The following SEPTIN14 variants were observed in gnomAD, a reference collection of about 807,000 sequenced individuals.
The protein encoded by SEPTIN14 is septin 14, also known as septin-14.
SEPTIN14 carries 40 observed loss-of-function variants against 53.6 expected under a neutral mutation model. The ratio of observed to expected loss-of-function variants is 0.75; its 90% confidence interval spans 0.58 to 0.97. The LOEUF (loss-of-function observed/expected upper bound fraction) is 0.97. Ranked by LOEUF, SEPTIN14 falls within the 50% of genes least tolerant of loss-of-function variation. The probability of loss-of-function intolerance (pLI) is 0.00; values close to 1 mark genes in which losing one functional copy is unlikely to be tolerated. For missense variants in SEPTIN14, 471 were observed against 508.2 expected (o/e 0.93, Z 0.70); for synonymous variants, 138 against 166.8 (o/e 0.83, Z 1.33).
At chr7:55,813,563 G>A (rs1193764857) in intron 7 of SEPTIN14, among the ~76,000 whole-genome samples, 1 of 152,142 alleles carries the variant, frequency 6.6e-6, no homozygotes, top group Non-Finnish European at 1.5e-5. Context: ...CCACTTGTGG[G>A]AAAGAAAAGG....
chr7:55,829,624 C>A (rs377506022), intron 6 of SEPTIN14, among the ~76,000 whole-genome samples: 21 of 151,784 alleles, frequency 1.4e-4, no homozygotes, highest in African/African-American at 5.1e-4. Flanking sequence ...GTGGCTGGAG[C>A]TGGAGGTGCA....
intron 7 of SEPTIN14, 62 bp from the exon 8 acceptor site, chr7:55,807,320 G>C (rs879941443): frequency 2.4e-4 from 246 of 1,019,086 alleles, no homozygotes; most frequent in Non-Finnish European, 3.1e-4. Flanking sequence ...ATCAGTAAGT[G>C]TTCATGAATG....
rs1034552678 is a variant in SEPTIN14 at position 55,795,462 on chromosome 7, CTT to C, written c.*449_*450del. The stretch of plus-strand genomic sequence containing the variant: ...AGGATCTGCCTTCTGGGAGTTCATA[CTT>C]TTTTTTTTTTTTTTTTTTTTGAGGC... On this transcript the variant is annotated 3_prime_UTR_variant, in exon 10 of 10. Coordinates refer to ENST00000388975, the MANE Select transcript of SEPTIN14 (RefSeq NM_207366.3). 1.5e-3 allele frequency: 176 copies of C among 117,924 alleles called. No individual in the cohort carries two copies. Among genetic ancestry groups the C allele is most frequent in the Admixed American group, 2.3e-3 (26 of 11,080 alleles). 7.3% of individuals were successfully genotyped at this position (117,924 alleles called of 1,614,324 possible). A position where few individuals can be genotyped will look rare whatever the true frequency, so the allele number is the denominator to read the frequency against.
chr7:55,803,097 C>A (rs1333396875), intron 9 of SEPTIN14, among the ~76,000 whole-genome samples: 1 of 152,106 alleles, frequency 6.6e-6, no homozygotes, highest in African/African-American at 2.4e-5. Flanking sequence ...GCCACCACAT[C>A]TGGCTAATTT....
intron 2 of SEPTIN14, among the ~76,000 whole-genome samples, chr7:55,851,265 T>C (rs1789510499): frequency 6.6e-6 from 1 of 152,164 alleles, no homozygotes; most frequent in African/African-American, 2.4e-5. Context: ...ATATAGAACA[T>C]TTCTGACATC....
At chr7:55,854,865 A>T (rs1439162784) in intron 2 of SEPTIN14, among the ~76,000 whole-genome samples, 1 of 152,238 alleles carries the variant, frequency 6.6e-6, no homozygotes, top group African/African-American at 2.4e-5. Flanking sequence ...AAGAGAACAT[A>T]TCAAAATTAC....
chr7:55,823,363 A>C (rs989973727), intron 6 of SEPTIN14, among the ~76,000 whole-genome samples: 1 of 152,144 alleles, frequency 6.6e-6, no homozygotes, highest in African/African-American at 2.4e-5. Context: ...ACAAGGAGAG[A>C]AACAGCCCCC....
At chr7:55,822,850 G>A (rs993700114) in intron 6 of SEPTIN14, among the ~76,000 whole-genome samples, 8 of 131,646 alleles carry the variant, frequency 6.1e-5, no homozygotes, top group African/African-American at 2.0e-4. Flanking sequence ...TGGGAGCAGG[G>A]GAAAGCAAAA....
intron 2 of SEPTIN14, among the ~76,000 whole-genome samples, chr7:55,849,944 A>T (rs1789491417): frequency 6.6e-6 from 1 of 152,202 alleles, no homozygotes; most frequent in African/African-American, 2.4e-5. Flanking sequence ...TTGGGAAAAA[A>T]AACAAATTAT....
intron 9 of SEPTIN14, among the ~76,000 whole-genome samples, chr7:55,804,312 G>A (rs1303294267): frequency 6.6e-6 from 1 of 150,484 alleles, no homozygotes; most frequent in African/African-American, 2.4e-5. Flanking sequence ...CAGGCTGGAG[G>A]CAGTGGCACC....
chr7:55,860,777 G>A (rs750515586), intron 2 of SEPTIN14, among the ~76,000 whole-genome samples: 3 of 152,092 alleles, frequency 2.0e-5, no homozygotes, highest in Non-Finnish European at 4.4e-5. Flanking sequence ...AAGCTTGAGG[G>A]ACACTGTTTG....
At chr7:55,836,842 T>C (rs1410436999) in intron 5 of SEPTIN14, among the ~76,000 whole-genome samples, 2 of 152,220 alleles carry the variant, frequency 1.3e-5, no homozygotes, top group African/African-American at 4.8e-5. Flanking sequence ...ATCTAATTTA[T>C]TTCAACTACT....
At chr7:55,809,543 G>C (rs924812675) in intron 7 of SEPTIN14, among the ~76,000 whole-genome samples, 3 of 151,448 alleles carry the variant, frequency 2.0e-5, no homozygotes, top group African/African-American at 7.3e-5. Context: ...TTTTAGTAGA[G>C]ACGGGGTTTT....
intron 9 of SEPTIN14, among the ~76,000 whole-genome samples, chr7:55,801,476 C>T (rs1788522134): frequency 6.6e-6 from 1 of 152,042 alleles, no homozygotes; most frequent in Admixed American, 6.6e-5. Flanking sequence ...ATTCTTATAA[C>T]CACACGATCT....
intron 9 of SEPTIN14, among the ~76,000 whole-genome samples, chr7:55,799,889 C>A (rs964962189): frequency 3.3e-5 from 5 of 151,540 alleles, no homozygotes; most frequent in Admixed American, 6.6e-5. Flanking sequence ...CCCAATAGAC[C>A]AAATAGGCAT....
At chr7:55,853,823 A>G (rs1005648741) in intron 2 of SEPTIN14, among the ~76,000 whole-genome samples, 1 of 152,112 alleles carries the variant, frequency 6.6e-6, no homozygotes, top group Admixed American at 6.6e-5. Context: ...CATAAAAATT[A>G]AAAAGTAAGG....
chr7:55,846,065 G>GTATATATAGATATA (rs1789399029), intron 3 of SEPTIN14, among the ~76,000 whole-genome samples: 1 of 39,758 alleles, frequency 2.5e-5, no homozygotes, highest in Non-Finnish European at 5.3e-5. Flanking sequence ...AAAAAAAAAA[G>GTATATATAGATATA]TATATATATA....
At chr7:55,823,369 C>T (rs1198262065) in intron 6 of SEPTIN14, among the ~76,000 whole-genome samples, 1 of 152,192 alleles carries the variant, frequency 6.6e-6, no homozygotes, top group African/African-American at 2.4e-5. Flanking sequence ...AGAGAAACAG[C>T]CCCCAGGTCC....
At chr7:55,839,739 A>C (rs780467782) in intron 5 of SEPTIN14, among the ~76,000 whole-genome samples, 2 of 152,170 alleles carry the variant, frequency 1.3e-5, no homozygotes, top group Non-Finnish European at 2.9e-5. Context: ...GAAATCTATC[A>C]AATGTGAGTT....
Sources: allele counts gnomAD v4.1 joint callset (sites outside exome capture counted in the v4.1 genomes callset), GRCh38; gene constraint gnomAD v4.1.1; transcripts MANE v1.5; gene names NCBI Gene and HGNC (gene_info 2026-07-23, HGNC 2026-07-21).